Variants in NCEH1 observed in about 807,000 individuals in gnomAD.
NCEH1 encodes 2-acetyl MAGE hydrolase.
In NCEH1, 9 loss-of-function variants were observed where a neutral mutation model predicts 25.4. That is an observed-to-expected ratio of 0.35 (90% confidence interval 0.21 to 0.62). NCEH1 has a LOEUF of 0.62. Among genes scored for constraint, NCEH1 ranks in the 20% least tolerant of loss-of-function variants. The pLI is 0.72. For synonymous variants in NCEH1, 200 were observed against 199.8 expected (o/e 1.00, Z -0.01); for missense variants, 412 against 501.1 (o/e 0.82, Z 1.70).
intron 1 of NCEH1, among the ~76,000 whole-genome samples, chr3:172,689,908 TA>T (rs1287796860): frequency 3.3e-4 from 46 of 138,164 alleles, no homozygotes; most frequent in African/African-American, 1.2e-3. Flanking sequence ...TTTATTTATT[TA>T]TTTTTTTTTT....
At chr3:172,650,812 GAAAAAAA>G (rs768170518) in intron 1 of NCEH1, among the ~76,000 whole-genome samples, 5 of 35,884 alleles carry the variant, frequency 1.4e-4, no homozygotes, top group Non-Finnish European at 2.3e-4. Context: ...ACTCTGCCTC[GAAAAAAA>G]AAAAAAAAAA....
chr3:172,678,796 A>C (rs1712169144), intron 1 of NCEH1, among the ~76,000 whole-genome samples: 1 of 152,186 alleles, frequency 6.6e-6, no homozygotes, highest in African/African-American at 2.4e-5. Context: ...CATCATCCAC[A>C]TAGTGAACAC....
At position 172,679,452 on chromosome 3, in the gene NCEH1, G is replaced by A. The variant is rs76694612; in HGVS notation, c.139-31338C>T. Among the ~76,000 whole-genome samples, 765 of 151,770 alleles carry A rather than the reference G, an allele frequency of 5.0e-3. 5 individuals carry two copies. Among genetic ancestry groups the A allele is most frequent in the Non-Finnish European group, 8.9e-3 (608 of 67,942 alleles). On this transcript the variant is annotated intron_variant, in intron 1 of 4. Coordinates refer to ENST00000475381, the MANE Select transcript of NCEH1 (RefSeq NM_020792.6). ...TTTACTTTTTACACCCCCCACCCCC[G>A]ACCTTTTATAGTCTCCAATGTCTAT... is the stretch of plus-strand genomic sequence containing the variant.
intron 3 of NCEH1, among the ~76,000 whole-genome samples, chr3:172,641,924 C>T (rs886187339): frequency 6.6e-6 from 1 of 152,186 alleles, no homozygotes; most frequent in South Asian, 2.1e-4. Flanking sequence ...TTAGATGTCT[C>T]TGTTACTACT....
intron 1 of NCEH1, chr3:172,703,010 T>C (rs1341095162): frequency 6.6e-6 from 1 of 151,292 alleles, no homozygotes; most frequent in Non-Finnish European, 1.5e-5. Flanking sequence ...AAATAAAAAG[T>C]AAAAAACGAA....
chr3:172,710,679 G>T (rs551116740), intron 1 of NCEH1, among the ~76,000 whole-genome samples, 168 bp downstream of exon 1: 1 of 152,230 alleles, frequency 6.6e-6, no homozygotes, highest in Non-Finnish European at 1.5e-5. Flanking sequence ...TAGCAAGGAG[G>T]CGAATGCGAT....
intron 1 of NCEH1, among the ~76,000 whole-genome samples, chr3:172,700,985 C>G (rs1433520036): frequency 6.6e-6 from 1 of 152,148 alleles, no homozygotes; most frequent in Admixed American, 6.5e-5. Flanking sequence ...GGGATAGCCT[C>G]TTTTTCCACT....
chr3:172,671,526 CACATATAT>C (rs1167115081), intron 1 of NCEH1, among the ~76,000 whole-genome samples: 1 of 148,870 alleles, frequency 6.7e-6, no homozygotes, highest in East Asian at 1.9e-4. Flanking sequence ...CACACACACA[CACATATAT>C]AGATATATAT....
chr3:172,686,053 A>G (rs1461399047), intron 1 of NCEH1, among the ~76,000 whole-genome samples: 1 of 151,286 alleles, frequency 6.6e-6, no homozygotes, highest in African/African-American at 2.4e-5. Context: ...GAGATTCACA[A>G]TGCACGTCAG....
chr3:172,655,874 C>T (rs2160805), intron 1 of NCEH1, among the ~76,000 whole-genome samples: 35,686 of 151,800 alleles, frequency 0.24, 4,534 homozygotes, highest in Non-Finnish European at 0.28. Flanking sequence ...AGCTGGTGAG[C>T]AGGACAGGAA....
intron 1 of NCEH1, among the ~76,000 whole-genome samples, chr3:172,692,347 T>G (rs907607274): frequency 2.0e-5 from 3 of 152,138 alleles, no homozygotes; most frequent in Admixed American, 6.6e-5. Context: ...AATATTTTTA[T>G]TTTTCTTTCT....
chr3:172,700,923 T>C (rs2108536733), intron 1 of NCEH1, among the ~76,000 whole-genome samples: 1 of 152,224 alleles, frequency 6.6e-6, no homozygotes, highest in East Asian at 1.9e-4. Context: ...TCTAGAGTAC[T>C]TTATAAATAT....
chr3:172,694,378 A>ATGTGTGTGTGTGTG (rs369794698), intron 1 of NCEH1, among the ~76,000 whole-genome samples: 20 of 151,348 alleles, frequency 1.3e-4, no homozygotes, highest in African/African-American at 4.9e-4. Context: ...AGTTATATAT[A>ATGTGTGTGTGTGTG]TGTGTGTGTG....
At chr3:172,660,562 CA>C (rs1717926875) in intron 1 of NCEH1, among the ~76,000 whole-genome samples, 1 of 152,234 alleles carries the variant, frequency 6.6e-6, no homozygotes, top group Non-Finnish European at 1.5e-5. Context: ...CTGTCTTCCA[CA>C]ATGGTTGAAC....
intron 1 of NCEH1, among the ~76,000 whole-genome samples, chr3:172,667,042 A>C (rs554807301): frequency 1.3e-5 from 2 of 152,294 alleles, no homozygotes; most frequent in Middle Eastern, 3.4e-3. Flanking sequence ...TCTTCATAGG[A>C]CATATTGCTG....
At chr3:172,652,017 A>G (rs947918573) in intron 1 of NCEH1, among the ~76,000 whole-genome samples, 7 of 152,220 alleles carry the variant, frequency 4.6e-5, no homozygotes, top group Admixed American at 6.5e-5. Context: ...CTGGGAGCCA[A>G]TGAAAAAAGA....
chr3:172,648,361 T>A (rs1717226265), intron 1 of NCEH1, among the ~76,000 whole-genome samples: 1 of 152,164 alleles, frequency 6.6e-6, no homozygotes, highest in African/African-American at 2.4e-5. Context: ...ACAATAACTA[T>A]GCTTGTTCAT....
rs1400152852 is a variant in NCEH1, at chr3:172,696,982, ATGGCG to A, written c.138+13860_138+13864del. The stretch of plus-strand genomic sequence containing the variant: ...ACTCTGTCGTCCAGGCTGGAGTACA[ATGGCG>A]TGATCTTGGCTCACTGCAACCTCTG... On this transcript the variant is annotated intron_variant, in intron 1 of 4. Transcript: ENST00000475381. Among the ~76,000 whole-genome samples, 3 of 152,070 alleles carry A rather than the reference ATGGCG, an allele frequency of 2.0e-5. No homozygotes were observed. The East Asian group carries it at 5.8e-4, about 29-fold the overall frequency.
intron 3 of NCEH1, among the ~76,000 whole-genome samples, 174 bp downstream of exon 3, chr3:172,645,447 ATT>A (rs1717075030): frequency 6.6e-6 from 1 of 152,214 alleles, no homozygotes; most frequent in African/African-American, 2.4e-5. Flanking sequence ...AGTTCAATAA[ATT>A]TTGTTACATC....
Sources: gnomAD v4.1 joint callset for allele counts (sites outside exome capture counted in the v4.1 genomes callset) on GRCh38, gnomAD v4.1.1 for gene constraint, MANE v1.5 for transcripts, NCBI Gene and HGNC (gene_info 2026-07-23, HGNC 2026-07-21) for gene names.